Variants in TAF3 observed in about 807,000 individuals in gnomAD.
TAF3 encodes the protein transcription initiation factor TFIID subunit 3.
A neutral mutation model predicts 80.6 loss-of-function variants in TAF3; 7 were observed. The ratio of observed to expected loss-of-function variants is 0.09; its 90% confidence interval spans 0.05 to 0.16. TAF3 has a LOEUF of 0.16. Among genes scored for constraint, TAF3 ranks in the 10% least tolerant of loss-of-function variants. The probability of loss-of-function intolerance (pLI) is 1.00; values close to 1 mark genes in which losing one functional copy is unlikely to be tolerated. For synonymous variants in TAF3, 444 were observed against 446.1 expected (o/e 1.00, Z 0.06); for missense variants, 921 against 1,140.2 (o/e 0.81, Z 2.77).
At chr10:8,013,700 A>AT (rs1477225597) in intron 5 of TAF3, 31 bp from the exon 6 acceptor site, 1 of 1,595,972 alleles carries the variant, frequency 6.3e-7, no homozygotes, top group Non-Finnish European at 8.6e-7. Context: ...CATTCCCTCC[A>AT]TTTTTGCCGC....
intron 2 of TAF3, among the ~76,000 whole-genome samples, chr10:7,945,635 C>G (rs1343943973): frequency 6.6e-6 from 1 of 152,120 alleles, no homozygotes; most frequent in African/African-American, 2.4e-5. Context: ...CGGCTACATC[C>G]TGAGAAGGCT....
intron 2 of TAF3, among the ~76,000 whole-genome samples, chr10:7,843,930 G>A (rs934325320): frequency 6.6e-6 from 1 of 152,136 alleles, no homozygotes; most frequent in African/African-American, 2.4e-5. Context: ...TTATATGGAA[G>A]TGATTACAAT....
chr10:7,983,967 T>C (rs1431080661), intron 4 of TAF3, among the ~76,000 whole-genome samples: 1 of 152,214 alleles, frequency 6.6e-6, no homozygotes, highest in Admixed American at 6.5e-5. Context: ...TGACTGTATT[T>C]AAAATTTTCA....
In TAF3 at chr10:7,824,541, C is replaced by T; in HGVS notation, c.390C>T (p.Pro130=). ...RKEYIPDYLP[P]IVSSQEEEEE... ...AATACATTCCTGATTACCTGCCACC[C>T]ATTGTGTCTTCTCAAGAAGGTTTGT... Residue 130 remains proline (P), a synonymous_variant, in exon 2 of 7, where the codon CCC becomes CCT. Transcript: ENST00000344293. 1 of 1,614,050 alleles carries T rather than the reference C, an allele frequency of 6.2e-7. No homozygotes were observed. Among genetic ancestry groups the T allele is most frequent in the Non-Finnish European group, 8.5e-7 (1 of 1,179,956 alleles).
chr10:7,819,379 C>A (rs922715375), intron 1 of TAF3, among the ~76,000 whole-genome samples: 1 of 152,148 alleles, frequency 6.6e-6, no homozygotes, highest in Non-Finnish European at 1.5e-5. Context: ...GACACTGCCT[C>A]GTCTTTCTGT....
At chr10:7,869,032 A>G (rs1837240934) in intron 2 of TAF3, among the ~76,000 whole-genome samples, 1 of 152,212 alleles carries the variant, frequency 6.6e-6, no homozygotes, top group African/African-American at 2.4e-5. Flanking sequence ...TAATTAATTC[A>G]GAGTGTAAAA....
In TAF3 at chr10:7,965,735, A is replaced by G; in HGVS notation, c.2225A>G (p.His742Arg). The stretch of plus-strand genomic sequence containing the variant: ...GAAAAAGAGAAGGAGAAACACAAGC[A>G]TGAAAAAGTAAGCAGTTTCTCATTT... The part of the protein sequence containing the change: ...KREKEKEKHK[H>R]EKIKVEPVAL... Residue 742 changes from histidine to arginine, a missense_variant, in exon 3 of 7, where the codon CAT becomes CGT. Transcript: ENST00000344293. 1 of 1,533,964 alleles carries G rather than the reference A, an allele frequency of 6.5e-7. No individual in the cohort carries two copies. The highest frequency in any genetic ancestry group is 1.8e-4 in the Middle Eastern group (1 of 5,678).
At chr10:7,944,531 C>T (rs1056490789) in intron 2 of TAF3, among the ~76,000 whole-genome samples, 10 of 152,112 alleles carry the variant, frequency 6.6e-5, no homozygotes, top group Admixed American at 5.2e-4. Flanking sequence ...CGTTAAAGGA[C>T]ATAGCAGGTC....
At chr10:7,911,617 C>T (rs1383793098) in intron 2 of TAF3, among the ~76,000 whole-genome samples, 2 of 152,198 alleles carry the variant, frequency 1.3e-5, no homozygotes, top group African/African-American at 4.8e-5. Context: ...CCAGAGGTTG[C>T]AAAGGAGGTG....
At chr10:7,914,333 A>G (rs1349105480) in intron 2 of TAF3, among the ~76,000 whole-genome samples, 1 of 152,212 alleles carries the variant, frequency 6.6e-6, no homozygotes, top group Non-Finnish European at 1.5e-5. Context: ...GCTTATGTTA[A>G]CCCCTTGGGG....
At chr10:8,004,610 C>T (rs182543318) in intron 4 of TAF3, among the ~76,000 whole-genome samples, 25 of 152,258 alleles carry the variant, frequency 1.6e-4, no homozygotes, top group Admixed American at 1.5e-3. Flanking sequence ...ATTCCACTAT[C>T]TTCTAGATTT....
chr10:7,879,329 T>C (rs527974025), intron 2 of TAF3, among the ~76,000 whole-genome samples: 4 of 152,312 alleles, frequency 2.6e-5, no homozygotes, highest in African/African-American at 9.6e-5. Flanking sequence ...CTGTACACTA[T>C]TAATGAAACG....
chr10:7,918,021 TGTTA>T (rs1397334128), intron 2 of TAF3, among the ~76,000 whole-genome samples: 2 of 152,172 alleles, frequency 1.3e-5, no homozygotes, highest in East Asian at 1.9e-4. Context: ...CCGGGGCATT[TGTTA>T]GTTCTGTTTT....
Position 7,964,889 on chromosome 10 carries a change from C to T in TAF3, c.1379C>T (p.Ser460Phe). 1.9e-6 allele frequency: 3 copies of T among 1,614,140 alleles called. No individual in the cohort carries two copies. Among genetic ancestry groups the T allele is most frequent in the South Asian group, 1.1e-5 (1 of 91,070 alleles). ...PLPLSGGTSSSDNSWTMDASI... is the reference protein window; with the variant it reads ...PLPLSGGTSSFDNSWTMDASI... The stretch of plus-strand genomic sequence containing the variant: ...CCTCTTTCCGGTGGAACCTCAAGTT[C>T]CGATAACTCATGGACAATGGATGCC... Residue 460 changes from serine (S) to phenylalanine (F), a missense_variant, in exon 3 of 7, where the codon TCC becomes TTC. Ser to Phe is a radical substitution (Grantham distance 155). Transcript: ENST00000344293. This position sits in a 1 kb window ranked among gnomAD's most constrained non-coding sequence, Gnocchi z 4.1.
In TAF3 at chr10:7,863,722, CA is replaced by C. The variant is rs1326364729; in HGVS notation, c.409+39163del. 2.5e-5 allele frequency among the ~76,000 whole-genome samples: 2 copies of C among 79,158 alleles called. 1 individual carries two copies. Among genetic ancestry groups the C allele is most frequent in the Non-Finnish European group, 5.1e-5 (2 of 39,066 alleles). 51.9% of individuals were successfully genotyped at this position (79,158 alleles called of 152,430 possible). A position where few individuals can be genotyped will look rare whatever the true frequency, so the allele number is the denominator to read the frequency against. ...ATATATATACACATATATATATACA[CA>C]TATATATATACACATATATATATAC... On this transcript the variant is annotated intron_variant, in intron 2 of 6. Transcript: ENST00000344293.
At chr10:7,862,546 T>C (rs35953216) in intron 2 of TAF3, among the ~76,000 whole-genome samples, 1 of 152,244 alleles carries the variant, frequency 6.6e-6, no homozygotes, top group Non-Finnish European at 1.5e-5. Flanking sequence ...TTCAGTAAAC[T>C]GTACATGTTT....
intron 2 of TAF3, among the ~76,000 whole-genome samples, chr10:7,839,485 C>T (rs187621571): frequency 1.3e-5 from 2 of 152,238 alleles, no homozygotes; most frequent in East Asian, 1.9e-4. Flanking sequence ...GAGGAGCAGT[C>T]GCAAAAATTA....
chr10:7,961,192 GA>G (rs1838186472), intron 2 of TAF3, among the ~76,000 whole-genome samples: 1 of 152,148 alleles, frequency 6.6e-6, no homozygotes, highest in African/African-American at 2.4e-5. Flanking sequence ...AAACAGAGTT[GA>G]AAACTTGTGC....
intron 2 of TAF3, among the ~76,000 whole-genome samples, chr10:7,919,820 A>C (rs1055293829): frequency 6.6e-6 from 1 of 152,206 alleles, no homozygotes; most frequent in Non-Finnish European, 1.5e-5. Flanking sequence ...GAACCCACAC[A>C]TACGGAGGGC....
Sources: allele counts gnomAD v4.1 joint callset (sites outside exome capture counted in the v4.1 genomes callset), GRCh38; gene constraint gnomAD v4.1.1; non-coding constraint Gnocchi (gnomAD v3.1); transcripts MANE v1.5; gene names NCBI Gene and HGNC (gene_info 2026-07-23, HGNC 2026-07-21).